Variants in THSD7A observed in about 807,000 individuals in gnomAD.
THSD7A encodes the protein thrombospondin type-1 domain-containing protein 7A.
A neutral mutation model predicts 231.3 loss-of-function variants in THSD7A; 96 were observed. That is an observed-to-expected ratio of 0.41 (90% CI 0.35 to 0.49). The LOEUF (loss-of-function observed/expected upper bound fraction) is 0.49, where lower values mean the gene tolerates loss of function less well. Ranked by LOEUF, THSD7A falls within the 20% of genes least tolerant of loss-of-function variation. The pLI is 0.05. For missense variants in THSD7A, 2,290 were observed against 2,070.2 expected (o/e 1.11, Z -2.06); for synonymous variants, 940 against 743.3 (o/e 1.26, Z -4.30).
rs1781692917 is a variant in THSD7A at position 11,632,639 on chromosome 7, G to A, written c.1022+3491C>T. On this transcript the variant is annotated intron_variant, in intron 2 of 27. Coordinates refer to ENST00000423059, the MANE Select transcript of THSD7A (RefSeq NM_015204.3). This position sits in a 1 kb window ranked among gnomAD's most constrained non-coding sequence, Gnocchi z 4.1. ...ATCATTACAGATAATCTGCTGTCCTGTCTTATTTTTTACTTTAAAGAGAAT... is the reference window on the plus strand; with the variant it reads ...ATCATTACAGATAATCTGCTGTCCTATCTTATTTTTTACTTTAAAGAGAAT... Among the ~76,000 whole-genome samples the A allele has an allele frequency of 6.6e-6, 1 of 152,056 alleles. No individual in the cohort carries two copies. Among genetic ancestry groups the A allele is most frequent in the Admixed American group, 6.6e-5 (1 of 15,256 alleles).
Position 11,812,140 on chromosome 7 carries a change from T to TGTGTGTGTGTGTGA in THSD7A, c.190+19616_190+19617insTCACACACACACAC, listed in dbSNP as rs377112108. Among the ~76,000 whole-genome samples, 57 of 147,012 alleles carry TGTGTGTGTGTGTGA rather than the reference T, an allele frequency of 3.9e-4. 2 individuals are homozygous for TGTGTGTGTGTGTGA. Among genetic ancestry groups the TGTGTGTGTGTGTGA allele is most frequent in the African/African-American group, 1.4e-3 (55 of 38,322 alleles). On this transcript the variant is annotated intron_variant, in intron 1 of 27. Coordinates refer to ENST00000423059, the MANE Select transcript of THSD7A (RefSeq NM_015204.3). Reference sequence around the variant, plus strand: ...GTGTGTGTGTGTGTGTGTGTGTGTGTGGGAGACAGAGAGAGAGATATGGGG... The same window carrying TGTGTGTGTGTGTGA: ...GTGTGTGTGTGTGTGTGTGTGTGTGTGTGTGTGTGTGTGAGGGAGACAGAGAGAGAGATATGGGG...
chr7:11,558,275 T>G (rs2128328510), intron 4 of THSD7A, among the ~76,000 whole-genome samples: 1 of 152,320 alleles, frequency 6.6e-6, no homozygotes, highest in South Asian at 2.1e-4. Flanking sequence ...ATTTTTTAAT[T>G]TAGTGGCAAC....
chr7:11,446,460 C>A lies in THSD7A; in HGVS notation c.2801-136G>T. 2.9e-6 allele frequency: 3 copies of A among 1,038,482 alleles called. No homozygotes were observed. Among genetic ancestry groups the A allele is most frequent in the Non-Finnish European group, 4.2e-6 (3 of 717,742 alleles). 64.3% of individuals were successfully genotyped at this position (1,038,482 alleles called of 1,614,324 possible). A position where few individuals can be genotyped will look rare whatever the true frequency, so the allele number is the denominator to read the frequency against. The stretch of plus-strand genomic sequence containing the variant: ...TTTAACAGTAGCCTATAAATCAATG[C>A]TATTTTCTCATTCCACAGTGTTTTC... On this transcript the variant is annotated intron_variant, in intron 12 of 27. Transcript: ENST00000423059. This position sits in a 1 kb window ranked among gnomAD's most constrained non-coding sequence, Gnocchi z 4.0.
intron 1 of THSD7A, among the ~76,000 whole-genome samples, chr7:11,800,210 C>T (rs1310385380): frequency 6.6e-6 from 1 of 152,108 alleles, no homozygotes; most frequent in East Asian, 1.9e-4. Context: ...TGTCCATGGA[C>T]ATTTGGGTTG....
At chr7:11,379,832 T>A in intron 24 of THSD7A, 120 bp from the exon 25 acceptor site, 1 of 1,086,486 alleles carries the variant, frequency 9.2e-7, no homozygotes, top group Non-Finnish European at 1.3e-6. Flanking sequence ...AATTTTTCTG[T>A]CAGTGGTTGA....
chr7:11,385,961 G>A (rs1362770408), intron 23 of THSD7A, among the ~76,000 whole-genome samples: 2 of 152,068 alleles, frequency 1.3e-5, no homozygotes, highest in Admixed American at 1.3e-4. Flanking sequence ...GAGAACATGT[G>A]TGGTGTTTGG....
chr7:11,813,009 C>T (rs9639102), intron 1 of THSD7A, among the ~76,000 whole-genome samples: 48,549 of 151,978 alleles, frequency 0.32, 7,817 homozygotes, highest in Non-Finnish European at 0.35. Context: ...CATAAGAATA[C>T]AAGGAAGTAT....
chr7:11,727,714 G>C (rs2128155935), intron 1 of THSD7A, among the ~76,000 whole-genome samples: 1 of 151,924 alleles, frequency 6.6e-6, no homozygotes, highest in South Asian at 2.1e-4. Flanking sequence ...ATAAATGACA[G>C]AGAAACATCT....
chr7:11,792,592 T>G (rs552236037), intron 1 of THSD7A, among the ~76,000 whole-genome samples: 7 of 152,064 alleles, frequency 4.6e-5, no homozygotes, highest in African/African-American at 1.2e-4. Flanking sequence ...TTGTTCAGCC[T>G]GCAGAGTGAA....
At chr7:11,454,208 A>T (rs17164585) in intron 11 of THSD7A, among the ~76,000 whole-genome samples, 4,906 of 152,028 alleles carry the variant, frequency 0.032, 277 homozygotes, top group African/African-American at 0.11. Context: ...TTTCCATATG[A>T]GATTTAAGAA....
At chr7:11,497,889 T>C (rs779223298) in intron 6 of THSD7A, among the ~76,000 whole-genome samples, 2 of 151,918 alleles carry the variant, frequency 1.3e-5, no homozygotes, top group Non-Finnish European at 2.9e-5. Flanking sequence ...CCCAGGGAAG[T>C]GATGAGTGAA....
chr7:11,466,077 C>G (rs1785692890), intron 9 of THSD7A, among the ~76,000 whole-genome samples: 1 of 152,070 alleles, frequency 6.6e-6, no homozygotes, highest in Non-Finnish European at 1.5e-5. Flanking sequence ...TGGAATCCTA[C>G]TATTCTGTTT....
intron 22 of THSD7A, among the ~76,000 whole-genome samples, chr7:11,403,931 AGC>A (rs1273250891): frequency 6.6e-6 from 1 of 152,210 alleles, no homozygotes; most frequent in African/African-American, 2.4e-5. Flanking sequence ...TACTCTTTAA[AGC>A]TTATTAGTTC....
chr7:11,435,350 A>G (rs1034199567), intron 13 of THSD7A, among the ~76,000 whole-genome samples: 21 of 152,204 alleles, frequency 1.4e-4, no homozygotes, highest in African/African-American at 5.1e-4. Context: ...GGCTCCTCAG[A>G]CTACTTATGA....
intron 2 of THSD7A, among the ~76,000 whole-genome samples, chr7:11,606,255 T>C (rs939936498): frequency 6.6e-6 from 1 of 152,152 alleles, no homozygotes; most frequent in African/African-American, 2.4e-5. Context: ...GAGTGGCATG[T>C]GGCATGAGCT....
chr7:11,432,497 A>T (rs1784506811), intron 13 of THSD7A, among the ~76,000 whole-genome samples: 1 of 152,054 alleles, frequency 6.6e-6, no homozygotes, highest in African/African-American at 2.4e-5. Flanking sequence ...AAGAGCAACA[A>T]CTATCCTGAC....
chr7:11,798,731 TTTAAA>T (rs1367712450), intron 1 of THSD7A, among the ~76,000 whole-genome samples: 56 of 152,320 alleles, frequency 3.7e-4, no homozygotes, highest in Non-Finnish European at 2.4e-4. Flanking sequence ...AGATGATCTT[TTTAAA>T]TTATTTATTT....
At chr7:11,785,129 T>C (rs184820604) in intron 1 of THSD7A, among the ~76,000 whole-genome samples, 8 of 152,292 alleles carry the variant, frequency 5.3e-5, no homozygotes, top group Admixed American at 3.3e-4. Flanking sequence ...AAGACCCTGA[T>C]TACTAAATTT....
intron 1 of THSD7A, among the ~76,000 whole-genome samples, chr7:11,758,998 C>A (rs894147234): frequency 6.6e-6 from 1 of 152,136 alleles, no homozygotes; most frequent in Admixed American, 6.6e-5. Flanking sequence ...AAAAAATTAG[C>A]TTTAAATTGC....
Sources: allele counts gnomAD v4.1 joint callset (sites outside exome capture counted in the v4.1 genomes callset), GRCh38; gene constraint gnomAD v4.1.1; non-coding constraint Gnocchi (gnomAD v3.1); transcripts MANE v1.5; gene names NCBI Gene and HGNC (gene_info 2026-07-23, HGNC 2026-07-21).